Variants in SUPT3H observed in about 807,000 individuals in gnomAD.
SUPT3H encodes transcription initiation protein SPT3 homolog.
A neutral mutation model predicts 44.3 loss-of-function variants in SUPT3H; 44 were observed. The observed-to-expected ratio is 0.99, with a 90% CI of 0.78 to 1.28. The LOEUF (loss-of-function observed/expected upper bound fraction) is 1.28, where lower values mean the gene tolerates loss of function less well. SUPT3H is among the 50% of genes most tolerant of loss of function. The pLI, the probability that SUPT3H is intolerant of heterozygous loss-of-function variation, is 0.00. For synonymous variants in SUPT3H, 124 were observed against 125.6 expected (o/e 0.99, Z 0.09); for missense variants, 380 against 387.1 (o/e 0.98, Z 0.15).
intron 2 of SUPT3H, among the ~76,000 whole-genome samples, chr6:45,157,124 T>A (rs1807958120): frequency 6.6e-6 from 1 of 152,186 alleles, no homozygotes; most frequent in South Asian, 2.1e-4. Flanking sequence ...ATCCTTTTTT[T>A]AACTTCACAA....
chr6:45,295,534 A>AC (rs1392305725), intron 2 of SUPT3H, among the ~76,000 whole-genome samples: 3 of 146,016 alleles, frequency 2.1e-5, no homozygotes, highest in South Asian at 2.2e-4. Context: ...CAAAAAAAAA[A>AC]AAAAAAAAAA....
intron 4 of SUPT3H, among the ~76,000 whole-genome samples, chr6:45,019,456 G>C (rs1784796783): frequency 2.0e-5 from 3 of 151,876 alleles, no homozygotes. Context: ...GTCAATTTTG[G>C]ATCTTTCCTG....
intron 6 of SUPT3H, among the ~76,000 whole-genome samples, chr6:45,003,295 A>G (rs1782253054): frequency 6.6e-6 from 1 of 152,170 alleles, no homozygotes; most frequent in South Asian, 2.1e-4. Flanking sequence ...AAGCAGTAAG[A>G]ATTAGTTTTG....
rs779598084 is a variant in SUPT3H at position 45,003,613 on chromosome 6, G to C, written c.504+40C>G. On this transcript the variant is annotated intron_variant, in intron 6 of 10. Transcript: ENST00000371459. ...GACCAAACAGCATAGGCACTGCAAT[G>C]ATTGTTCTATTTCTGTAAAAAGGGA... The C allele has an allele frequency of 5.6e-6, 9 of 1,602,212 alleles. No individual in the cohort carries two copies. In the South Asian group the frequency reaches 1.0e-4, roughly 18 times the overall value.
chr6:45,046,559 G>A (rs1789427201), intron 3 of SUPT3H, among the ~76,000 whole-genome samples: 1 of 152,174 alleles, frequency 6.6e-6, no homozygotes, highest in Non-Finnish European at 1.5e-5. Context: ...TCAAACTCCT[G>A]ACCTCAAGTA....
At chr6:44,941,014 T>C (rs767496893) in intron 9 of SUPT3H, among the ~76,000 whole-genome samples, 4 of 152,162 alleles carry the variant, frequency 2.6e-5, no homozygotes, top group Non-Finnish European at 5.9e-5. Context: ...TTTCCATCCA[T>C]TCTGCCAATC....
At chr6:44,911,929 G>A (rs1036467911) in intron 10 of SUPT3H, among the ~76,000 whole-genome samples, 1 of 152,126 alleles carries the variant, frequency 6.6e-6, no homozygotes, top group African/African-American at 2.4e-5. Context: ...CCCAGAGAAA[G>A]GCTTTGATGA....
chr6:44,889,098 T>C (rs1470703449), intron 10 of SUPT3H, among the ~76,000 whole-genome samples: 3 of 151,548 alleles, frequency 2.0e-5, no homozygotes, highest in African/African-American at 4.9e-5. Context: ...TACAAACCAC[T>C]GCTCAATGAA....
At chr6:45,322,753 A>C in intron 2 of SUPT3H, 1 of 669,484 alleles carries the variant, frequency 1.5e-6, no homozygotes, top group Non-Finnish European at 2.7e-6. Flanking sequence ...ATTCCTAAAA[A>C]TAAGCCTACA....
intron 10 of SUPT3H, among the ~76,000 whole-genome samples, chr6:44,906,795 C>T (rs1233608907): frequency 6.6e-6 from 1 of 152,090 alleles, no homozygotes; most frequent in African/African-American, 2.4e-5. Flanking sequence ...CAAGGGTTCC[C>T]AGTCTGTATT....
intron 2 of SUPT3H, among the ~76,000 whole-genome samples, chr6:45,202,100 C>A (rs1399724466): frequency 6.6e-6 from 1 of 151,850 alleles, no homozygotes; most frequent in Non-Finnish European, 1.5e-5. Context: ...ATTAAGGTGA[C>A]TTCATTTTAT....
chr6:45,165,013 C>A (rs1367799589), intron 2 of SUPT3H, among the ~76,000 whole-genome samples: 1 of 151,884 alleles, frequency 6.6e-6, no homozygotes. Flanking sequence ...GGTCACACCC[C>A]CAAGGCACAT....
chr6:44,900,658 A>G (rs1227921679), intron 10 of SUPT3H, among the ~76,000 whole-genome samples: 2 of 152,220 alleles, frequency 1.3e-5, no homozygotes, highest in East Asian at 3.9e-4. Context: ...CCTGTCTGAC[A>G]GCTTTGAAGA....
intron 2 of SUPT3H, among the ~76,000 whole-genome samples, chr6:45,116,354 C>T (rs1164273982): frequency 6.6e-6 from 1 of 151,334 alleles, no homozygotes; most frequent in Non-Finnish European, 1.5e-5. Context: ...GCGCACGTTT[C>T]TCTCTCTCTC....
chr6:45,043,452 A>T (rs1313385043), intron 3 of SUPT3H, among the ~76,000 whole-genome samples: 1 of 152,196 alleles, frequency 6.6e-6, no homozygotes, highest in African/African-American at 2.4e-5. Flanking sequence ...AGATAATGTT[A>T]GTTTTAACAC....
At chr6:45,109,233 C>T (rs1384565309) in intron 2 of SUPT3H, among the ~76,000 whole-genome samples, 1 of 152,018 alleles carries the variant, frequency 6.6e-6, no homozygotes. Flanking sequence ...AAAAAGCAAA[C>T]TCCACAAAGG....
At chr6:45,047,622 T>C (rs1167172280) in intron 3 of SUPT3H, among the ~76,000 whole-genome samples, 1 of 152,162 alleles carries the variant, frequency 6.6e-6, no homozygotes, top group Non-Finnish European at 1.5e-5. Context: ...AGCATGTCTT[T>C]ATTCTGATAA....
chr6:44,814,973 G>A (rs857604), intron 11 of SUPT3H, among the ~76,000 whole-genome samples: 3,131 of 152,036 alleles, frequency 0.021, 42 homozygotes, highest in Non-Finnish European at 0.033. Flanking sequence ...CACCACGCCC[G>A]GCCTCAAATT....
At chr6:45,219,666 T>C (rs1765675214) in intron 2 of SUPT3H, among the ~76,000 whole-genome samples, 1 of 152,104 alleles carries the variant, frequency 6.6e-6, no homozygotes, top group Admixed American at 6.5e-5. Context: ...TCCAAAACAA[T>C]TATCTAGGCC....
Sources: gnomAD v4.1 joint callset for allele counts (sites outside exome capture counted in the v4.1 genomes callset) on GRCh38, gnomAD v4.1.1 for gene constraint, MANE v1.5 for transcripts, NCBI Gene and HGNC (gene_info 2026-07-23, HGNC 2026-07-21) for gene names.